Variants in NDUFAF6 observed in about 807,000 individuals in gnomAD.
NDUFAF6 encodes the protein NADH:ubiquinone oxidoreductase complex assembly factor 6, also known as NADH dehydrogenase (ubiquinone) complex I, assembly factor 6.
In NDUFAF6, 45 loss-of-function variants were observed where a neutral mutation model predicts 40.8. The observed-to-expected ratio is 1.10, with a 90% confidence interval of 0.87 to 1.42. The LOEUF (loss-of-function observed/expected upper bound fraction) is 1.42. Among genes scored for constraint, NDUFAF6 ranks in the 40% most tolerant of loss-of-function variants. NDUFAF6 has a pLI of 0.00. For missense variants in NDUFAF6, 435 were observed against 418.5 expected (o/e 1.04, Z -0.34); for synonymous variants, 185 against 155.9 (o/e 1.19, Z -1.39).
chr8:95,041,426 C>A, intron 3 of NDUFAF6, 144 bp from the exon 4 acceptor site: 2 of 598,906 alleles, frequency 3.3e-6, no homozygotes, highest in Admixed American at 3.0e-5. Context: ...TTCCCTGATA[C>A]TTCTTTAACA....
At chr8:95,054,627 G>T (rs564148436) in intron 8 of NDUFAF6, among the ~76,000 whole-genome samples, 1 of 151,866 alleles carries the variant, frequency 6.6e-6, no homozygotes, top group Non-Finnish European at 1.5e-5. Context: ...TAGAGGAGGG[G>T]TTTCCCCATG....
At position 95,048,143 on chromosome 8, in the gene NDUFAF6, A is replaced by G. The variant is rs61442579; in HGVS notation, c.715-314A>G. Among the ~76,000 whole-genome samples, 1,843 of 152,228 alleles carry G rather than the reference A, an allele frequency of 0.012. 45 individuals carry two copies. The highest frequency in any genetic ancestry group is 0.041 in the African/African-American group (1,706 of 41,526). On this transcript the variant is annotated intron_variant, in intron 6 of 8. Coordinates refer to ENST00000396124, the MANE Select transcript of NDUFAF6 (RefSeq NM_152416.4). ...TGGGAGGTTGAGGCTATAATGAGCC[A>G]TGATTGCACCACTGCACTCCAGCCT...
intron 2 of NDUFAF6, among the ~76,000 whole-genome samples, chr8:95,086,476 G>A (rs1394791847): frequency 2.6e-5 from 4 of 152,152 alleles, no homozygotes; most frequent in African/African-American, 9.7e-5. Context: ...CCTGTTCTCA[G>A]AAATAGCAAA....
At chr8:94,945,422 A>C (rs901713005) in intron 1 of NDUFAF6, 2 of 152,224 alleles carry the variant, frequency 1.3e-5, no homozygotes, top group Non-Finnish European at 2.9e-5. Context: ...TCCTTTTTAA[A>C]TATGGCTACT....
At chr8:95,033,291 T>A (rs528423875) in intron 2 of NDUFAF6, among the ~76,000 whole-genome samples, 2 of 152,166 alleles carry the variant, frequency 1.3e-5, no homozygotes, top group Non-Finnish European at 2.9e-5. Flanking sequence ...ATGGTTCTCC[T>A]GCCTCAGCCC....
At chr8:95,076,663 C>A (rs1048258622), downstream of NDUFAF6, among the ~76,000 whole-genome samples, 16 of 152,100 alleles carry the variant, frequency 1.1e-4, no homozygotes, top group African/African-American at 2.7e-4. Context: ...CACCTGAGGT[C>A]GGGAGTTCGA....
At chr8:94,973,919 C>T (rs1415762795) in intron 1 of NDUFAF6, among the ~76,000 whole-genome samples, 3 of 151,616 alleles carry the variant, frequency 2.0e-5, no homozygotes, top group Non-Finnish European at 4.4e-5. Context: ...TCCCACCCTC[C>T]AGAACTGTGA....
chr8:95,102,956 T>G (rs1477975840), intron 2 of NDUFAF6: 1 of 152,202 alleles, frequency 6.6e-6, no homozygotes, highest in African/African-American at 2.4e-5. Context: ...CCAACTTTGC[T>G]TTCCTTTTTT....
chr8:95,036,458 C>G (rs185959153), intron 3 of NDUFAF6: 3 of 1,289,402 alleles, frequency 2.3e-6, no homozygotes, highest in East Asian at 5.5e-5. Context: ...CAGAACCCCC[C>G]AACTGGGGAT....
At chr8:95,068,498 A>G (rs564329310) in intron 9 of NDUFAF6, 1 of 152,016 alleles carries the variant, frequency 6.6e-6, no homozygotes, top group Non-Finnish European at 1.5e-5. Context: ...CAGATGAGAA[A>G]ACTTAGGGAA....
chr8:94,980,113 C>CA (rs1215644927), intron 1 of NDUFAF6, among the ~76,000 whole-genome samples: 14 of 149,492 alleles, frequency 9.4e-5, no homozygotes, highest in African/African-American at 3.4e-4. Flanking sequence ...AAAAAAAAAA[C>CA]AACAAAAAAA....
At chr8:95,037,434 C>T (rs1187732588) in intron 3 of NDUFAF6, among the ~76,000 whole-genome samples, 2 of 152,114 alleles carry the variant, frequency 1.3e-5, no homozygotes, top group East Asian at 3.8e-4. Context: ...GCTTGAAGGT[C>T]CACAAAATCA....
At position 95,025,056 on chromosome 8, in the gene NDUFAF6, C is replaced by G. The variant is rs772191309; in HGVS notation, c.48C>G (p.Gly16=). Residue 16 remains glycine (G), a synonymous_variant, in exon 1 of 9, where the codon GGC becomes GGG. Transcript: ENST00000396124. ...CTGTCTGGGGGCCGTTGCGGCTTGG[C>G]ATCCCCGGCCTGTGCTGCCGCCGGC... The part of the protein sequence containing the change: ...HGSVWGPLRL[G]IPGLCCRRPP... 33 of 1,419,454 alleles carry G rather than the reference C, an allele frequency of 2.3e-5. 1 individual carries two copies. The Admixed American group carries it at 1.1e-3, about 46-fold the overall frequency. The allele number at this position is 1,419,454 out of a possible 1,614,324, so 87.9% of individuals were successfully genotyped here.
intron 1 of NDUFAF6, among the ~76,000 whole-genome samples, chr8:94,912,350 ATTT>A (rs1327623114): frequency 6.6e-6 from 1 of 152,184 alleles, no homozygotes; most frequent in Non-Finnish European, 1.5e-5. Flanking sequence ...AGCTTTTCAG[ATTT>A]TTTGAAAGGA....
At chr8:95,004,487 A>C (rs1045135568) in intron 2 of NDUFAF6, among the ~76,000 whole-genome samples, 5 of 151,046 alleles carry the variant, frequency 3.3e-5, no homozygotes, top group African/African-American at 1.2e-4. Flanking sequence ...AGTAACTAGG[A>C]CTACAGGTGC....
chr8:95,069,467 A>C (rs1035740180), intron 9 of NDUFAF6, among the ~76,000 whole-genome samples: 1 of 151,754 alleles, frequency 6.6e-6, no homozygotes, highest in Non-Finnish European at 1.5e-5. Flanking sequence ...TGGTCTTTAA[A>C]AATTCTATTG....
intron 4 of NDUFAF6, among the ~76,000 whole-genome samples, chr8:95,043,584 A>T (rs1267586051): frequency 6.6e-6 from 1 of 152,178 alleles, no homozygotes; most frequent in South Asian, 2.1e-4. Context: ...TTGAGTAGAC[A>T]TTTCTCCAGA....
chr8:94,979,009 A>G (rs538565105), intron 1 of NDUFAF6, among the ~76,000 whole-genome samples: 12 of 152,266 alleles, frequency 7.9e-5, no homozygotes, highest in African/African-American at 2.9e-4. Flanking sequence ...TGTTTGGGGT[A>G]GAATAAGCCC....
intron 1 of NDUFAF6, among the ~76,000 whole-genome samples, chr8:94,897,961 G>T (rs1029358071): frequency 6.6e-6 from 1 of 152,018 alleles, no homozygotes; most frequent in African/African-American, 2.4e-5. Flanking sequence ...TAGGTCTCTA[G>T]GTTACCATGA....
Sources: gnomAD v4.1 joint callset for allele counts (sites outside exome capture counted in the v4.1 genomes callset) on GRCh38, gnomAD v4.1.1 for gene constraint, MANE v1.5 for transcripts, NCBI Gene and HGNC (gene_info 2026-07-23, HGNC 2026-07-21) for gene names.